SATB1: variants seen among roughly 807,000 people sequenced by gnomAD.
SATB1 encodes DNA-binding protein SATB1.
Under a neutral mutation model 86.9 loss-of-function variants are expected in SATB1, and 11 were observed. The observed-to-expected ratio is 0.13, with a 90% CI of 0.08 to 0.21. The LOEUF is 0.21. Ranked by LOEUF, SATB1 falls within the 10% of genes least tolerant of loss-of-function variation. The pLI is 1.00. For synonymous variants in SATB1, 357 were observed against 357.2 expected, an observed-to-expected ratio of 1.00 and a Z score of 0.01; for missense variants, 551 against 937.6, an observed-to-expected ratio of 0.59 and a Z score of 5.39.
At chr3:18,431,778 A>G (rs189833966) in intron 2 of SATB1, among the ~76,000 whole-genome samples, 4 of 152,292 alleles carry the variant, frequency 2.6e-5, no homozygotes, top group Admixed American at 2.0e-4. Context: ...TGGGCAAGCT[A>G]CTTGTTTCAA....
intron 6 of SATB1, among the ~76,000 whole-genome samples, chr3:18,395,413 T>C (rs1341655808): frequency 6.6e-6 from 1 of 152,094 alleles, no homozygotes; most frequent in Non-Finnish European, 1.5e-5. Context: ...AAAGAAAAAA[T>C]ATGACATAAA....
intron 9 of SATB1, among the ~76,000 whole-genome samples, chr3:18,370,515 C>CAAAAAAAAAAAAAAAAAAAAAAGAAAA (rs11391230): frequency 4.0e-5 from 2 of 49,440 alleles, no homozygotes; most frequent in African/African-American, 1.9e-4. Flanking sequence ...CTGAGAGAGG[C>CAAAAAAAAAAAAAAAAAAAAAAGAAAA]AAAAAAAAAA....
upstream of SATB1, among the ~76,000 whole-genome samples, chr3:18,439,856 T>C (rs1699191172): frequency 6.6e-6 from 1 of 152,126 alleles, no homozygotes; most frequent in African/African-American, 2.4e-5. Context: ...AGGATTTTTA[T>C]CATAAAAGAA....
At chr3:18,377,752 T>C (rs1695836761) in intron 9 of SATB1, among the ~76,000 whole-genome samples, 3 of 152,106 alleles carry the variant, frequency 2.0e-5, no homozygotes, top group South Asian at 4.1e-4. Context: ...CAATGCCACA[T>C]TAGATGGCTG....
At chr3:18,404,619 TTA>T (rs1035079125) in intron 5 of SATB1, among the ~76,000 whole-genome samples, 1 of 152,018 alleles carries the variant, frequency 6.6e-6, no homozygotes, top group Non-Finnish European at 1.5e-5. Flanking sequence ...GAAATTTTAT[TTA>T]TTTAAATACT....
At chr3:18,402,190 A>T (rs1697306519) in intron 5 of SATB1, among the ~76,000 whole-genome samples, 1 of 152,150 alleles carries the variant, frequency 6.6e-6, no homozygotes, top group Non-Finnish European at 1.5e-5. Context: ...AAATGAAGGA[A>T]GATGGTTTTA....
At chr3:18,365,413 C>A (rs1695137264) in intron 9 of SATB1, among the ~76,000 whole-genome samples, 1 of 150,172 alleles carries the variant, frequency 6.7e-6, no homozygotes, top group South Asian at 2.1e-4. Flanking sequence ...AGGCAGGATA[C>A]AGAATGGAAG....
chr3:18,418,917 T>C (rs907405501), intron 2 of SATB1, among the ~76,000 whole-genome samples: 32 of 152,198 alleles, frequency 2.1e-4, no homozygotes, highest in Non-Finnish European at 2.5e-4. Context: ...GAGCAGGAAG[T>C]GAATTTACTG....
intron 7 of SATB1, among the ~76,000 whole-genome samples, chr3:18,392,076 T>C (rs1696704517): frequency 6.6e-6 from 1 of 152,168 alleles, no homozygotes; most frequent in Admixed American, 6.5e-5. Context: ...AAAACACCCT[T>C]CATAATCCAG....
At chr3:18,406,053 T>C (rs1177901780) in intron 5 of SATB1, among the ~76,000 whole-genome samples, 1 of 151,974 alleles carries the variant, frequency 6.6e-6, no homozygotes, top group Admixed American at 6.6e-5. Context: ...GTAAATCATA[T>C]AATAAAGAGC....
intron 9 of SATB1, chr3:18,353,058 A>G (rs1263832406): frequency 6.6e-6 from 1 of 152,226 alleles, no homozygotes; most frequent in African/African-American, 2.4e-5. Flanking sequence ...GTGAAGGGGA[A>G]GAGTAAGGGT....
chr3:18,382,890 A>G lies in SATB1; in HGVS notation c.1419+3509T>C, dbSNP rs79539270. ...GTGGCTTGAAGTAGAGGAAGGAGCA[A>G]GAGACTTAGCAGAGGATTTGAAAAC... On this transcript the variant is annotated intron_variant, in intron 8 of 10. Coordinates refer to ENST00000338745, the MANE Select transcript of SATB1 (RefSeq NM_002971.6). 8.1e-3 allele frequency among the ~76,000 whole-genome samples: 1,241 copies of G among 152,318 alleles called. 22 individuals carry two copies. Among genetic ancestry groups the G allele is most frequent in the East Asian group, 0.074 (386 of 5,188 alleles).
chr3:18,371,981 C>A (rs189618306), intron 9 of SATB1, among the ~76,000 whole-genome samples: 1 of 152,176 alleles, frequency 6.6e-6, no homozygotes, highest in East Asian at 1.9e-4. Flanking sequence ...TCCTGAAGAA[C>A]TAACTCTTCA....
At position 18,347,412 on chromosome 3, in the gene SATB1, C is replaced by G. The variant is rs764310588; in HGVS notation, c.*1758G>C. 2 of 151,738 alleles carry G rather than the reference C, an allele frequency of 1.3e-5. No homozygotes were observed. The highest frequency in any genetic ancestry group is 2.9e-5 in the Non-Finnish European group (2 of 67,952). 9.4% of individuals were successfully genotyped at this position (151,738 alleles called of 1,614,324 possible). On this transcript the variant is annotated 3_prime_UTR_variant, in exon 11 of 11. Transcript: ENST00000338745. ...TGTTTAAATACCAGGTGTGTTATTC[C>G]TATTTTCTTCATGTAGCTCTTATAG...
intron 7 of SATB1, among the ~76,000 whole-genome samples, chr3:18,389,286 A>G (rs1488799443): frequency 1.6e-5 from 2 of 122,164 alleles, no homozygotes; most frequent in African/African-American, 6.3e-5. Flanking sequence ...TTTTTGGCCC[A>G]GAGCTTTCAA....
chr3:18,403,169 G>A (rs1472826795), intron 5 of SATB1, among the ~76,000 whole-genome samples: 1 of 151,994 alleles, frequency 6.6e-6, no homozygotes, highest in East Asian at 1.9e-4. Context: ...TCCTCTCCTC[G>A]AAAACTATAA....
chr3:18,413,581 G>A (rs1367563740), intron 5 of SATB1, among the ~76,000 whole-genome samples: 1 of 152,024 alleles, frequency 6.6e-6, no homozygotes, highest in Admixed American at 6.6e-5. Flanking sequence ...CCTGAAGTAA[G>A]AGTCACCCTT....
At chr3:18,420,236 A>G (rs1455925686) in intron 2 of SATB1, among the ~76,000 whole-genome samples, 1 of 152,204 alleles carries the variant, frequency 6.6e-6, no homozygotes, top group African/African-American at 2.4e-5. Context: ...TTAAAACAAA[A>G]ATAAAAAACT....
At chr3:18,357,177 G>T (rs1392154761) in intron 9 of SATB1, among the ~76,000 whole-genome samples, 1 of 151,600 alleles carries the variant, frequency 6.6e-6, no homozygotes, top group Non-Finnish European at 1.5e-5. Context: ...TTATTTGCAG[G>T]AATAGTTTGT....
Sources: gnomAD v4.1 joint callset for allele counts (sites outside exome capture counted in the v4.1 genomes callset) on GRCh38, gnomAD v4.1.1 for gene constraint, MANE v1.5 for transcripts, NCBI Gene and HGNC (gene_info 2026-07-23, HGNC 2026-07-21) for gene names.